Variants in C1orf53 observed in about 807,000 individuals in gnomAD.
C1orf53 encodes the protein uncharacterized protein C1orf53.
Under a neutral mutation model 17.5 loss-of-function variants are expected in C1orf53, and 23 were observed. That is an observed-to-expected ratio of 1.31 (90% CI 0.94 to 1.86). The LOEUF is 1.86. Among genes scored for constraint, C1orf53 ranks in the 40% most tolerant of loss-of-function variants. C1orf53 has a pLI of 0.00. For synonymous variants in C1orf53, 108 were observed against 81.9 expected, an observed-to-expected ratio of 1.32 and a Z score of -1.72; for missense variants, 255 against 193.2, an observed-to-expected ratio of 1.32 and a Z score of -1.89.
intron 2 of C1orf53, among the ~76,000 whole-genome samples, chr1:197,906,874 T>A (rs1301125990): frequency 6.6e-6 from 1 of 152,214 alleles, no homozygotes; most frequent in African/African-American, 2.4e-5. Flanking sequence ...CATAAGAGCT[T>A]TTTGTAAATT....
Position 197,902,898 on chromosome 1 carries a change from C to G in C1orf53, c.249C>G (p.His83Gln), listed in dbSNP as rs745790473. 7 of 1,478,224 alleles carry G rather than the reference C, an allele frequency of 4.7e-6. No individual in the cohort carries two copies. The South Asian group carries it at 8.9e-5, about 19-fold the overall frequency. The allele number at this position is 1,478,224 out of a possible 1,614,324, so 91.6% of individuals were successfully genotyped here. A position where few individuals can be genotyped will look rare whatever the true frequency, so the allele number is the denominator to read the frequency against. The stretch of plus-strand genomic sequence containing the variant: ...CGGAGCGACAGATCGCGGAGCTGCA[C>G]GCTGCCGCCTGCGCGGTGAGACTCC... ...TAAERQIAEL[H>Q]AAACAAGQLN... Residue 83 changes from histidine (H) to glutamine (Q), a missense_variant, in exon 1 of 3, where the codon CAC (histidine) becomes CAG (glutamine). His to Gln is a conservative substitution (Grantham distance 24). Transcript: ENST00000367393.
chr1:197,905,654 A>G, intron 1 of C1orf53, 142 bp from the exon 2 acceptor site: 1 of 614,742 alleles, frequency 1.6e-6, no homozygotes, highest in East Asian at 2.8e-5. Context: ...TTTGGTCTTT[A>G]ATTGCAAGTG....
At position 197,905,799 on chromosome 1, in the gene C1orf53, G is replaced by C; in HGVS notation, c.268G>C (p.Gly90Arg). Residue 90 changes from glycine to arginine, a missense_variant, in exon 2 of 3, where the codon GGC (glycine) becomes CGC (arginine). Transcript: ENST00000367393. Reference protein sequence around the residue: ...AELHAAACAAGQLNYVDPATG... With the variant: ...AELHAAACAARQLNYVDPATG... Reference sequence around the variant, plus strand: ...GTTTCATTTTATTGCACTTCAGGCTGGCCAGCTAAACTATGTGGATCCAGC... The same window carrying C: ...GTTTCATTTTATTGCACTTCAGGCTCGCCAGCTAAACTATGTGGATCCAGC... 1 of 1,608,876 alleles carries C rather than the reference G, an allele frequency of 6.2e-7. No homozygotes were observed. Among genetic ancestry groups the C allele is most frequent in the Non-Finnish European group, 8.5e-7 (1 of 1,175,704 alleles).
Position 197,902,715 on chromosome 1 carries a change from G to C in C1orf53, c.66G>C (p.Pro22=). The change falls in exon 1 of 3, where the codon CCG becomes CCC. Residue 22 remains proline (P), a synonymous_variant. Coordinates refer to ENST00000367393, the MANE Select transcript of C1orf53 (RefSeq NM_001024594.3). Reference sequence around the variant, plus strand: ...TCTGCAGGCAACCTTCCGCCGCCCCGCCGCCAGCACCTCTCTGGGTAAGAG... The same window carrying C: ...TCTGCAGGCAACCTTCCGCCGCCCCCCCGCCAGCACCTCTCTGGGTAAGAG... ...AALCRQPSAA[P]PPAPLWVRAG... 1 of 1,538,104 alleles carries C rather than the reference G, an allele frequency of 6.5e-7. No homozygotes were observed.
Position 197,905,897 on chromosome 1 carries a change from T to A in C1orf53, c.366T>A (p.His122Gln). Residue 122 changes from histidine (H) to glutamine (Q), a missense_variant and splice_region_variant, in exon 2 of 3, where the codon CAT (histidine) becomes CAA (glutamine). By Grantham distance (24) the His-to-Gln change is conservative (BLOSUM62 0). Transcript: ENST00000367393. The part of the protein sequence containing the change: ...RGECCGSACR[H>Q]CPYGQVNVKD... ...AATGTTGTGGCTCTGCGTGCAGACATGTGAGTAGCAATTCTTGCATTACAG... is the reference window on the plus strand; with the variant it reads ...AATGTTGTGGCTCTGCGTGCAGACAAGTGAGTAGCAATTCTTGCATTACAG... 2 of 1,610,186 alleles carry A rather than the reference T, an allele frequency of 1.2e-6. No individual in the cohort carries two copies. The highest frequency in any genetic ancestry group is 1.7e-6 in the Non-Finnish European group (2 of 1,176,576).
intron 1 of C1orf53, 24 bp downstream of exon 1, chr1:197,902,937 C>A (rs891910177): frequency 1.9e-5 from 25 of 1,345,026 alleles, no homozygotes; most frequent in African/African-American, 3.1e-5. Flanking sequence ...CTGCCCGCCC[C>A]GCCCCGCCGC....
At position 197,902,840 on chromosome 1, in the gene C1orf53, C is replaced by T. The variant is rs1269577655; in HGVS notation, c.191C>T (p.Ala64Val). ...ACGCCCGGTAGGCCGGAGAGAGCGG[C>T]GAGGCCTTCGGTGAGCGAAGAGTTA... is the stretch of plus-strand genomic sequence containing the variant. ...PSTPGRPERAARPSVSEELTA... is the reference protein window; with the variant it reads ...PSTPGRPERAVRPSVSEELTA... Residue 64 changes from alanine to valine, a missense_variant, in exon 1 of 3, where the codon GCG (alanine) becomes GTG (valine). Coordinates refer to ENST00000367393, the MANE Select transcript of C1orf53 (RefSeq NM_001024594.3). 1 of 1,557,322 alleles carries T rather than the reference C, an allele frequency of 6.4e-7. No homozygotes were observed. The highest frequency in any genetic ancestry group is 1.8e-5 in the Admixed American group (1 of 54,476).
intron 2 of C1orf53, 110 bp downstream of exon 2, chr1:197,906,007 G>T: frequency 1.2e-6 from 1 of 820,454 alleles, no homozygotes; most frequent in Admixed American, 2.0e-5. Flanking sequence ...GACCTGGAGT[G>T]AACTTTTCAC....
Position 197,902,739 on chromosome 1 carries a change from A to G in C1orf53, c.90A>G (p.Arg30=), listed in dbSNP as rs1352579362. Residue 30 remains arginine (R), a synonymous_variant, in exon 1 of 3, where the codon AGA becomes AGG. Coordinates refer to ENST00000367393, the MANE Select transcript of C1orf53 (RefSeq NM_001024594.3). The part of the protein sequence containing the change: ...AAPPPAPLWV[R]AGFRQQLSLT... ...CGCCGCCAGCACCTCTCTGGGTAAG[A>G]GCTGGGTTCCGACAGCAGCTCAGCT... 16 of 1,564,864 alleles carry G rather than the reference A, an allele frequency of 1.0e-5. No individual in the cohort carries two copies. Among genetic ancestry groups the G allele is most frequent in the Non-Finnish European group, 1.4e-5 (16 of 1,163,658 alleles).
Position 197,905,752 on chromosome 1 carries a change from T to C in C1orf53, c.265-44T>C, listed in dbSNP as rs2270762. On this transcript the variant is annotated intron_variant, in intron 1 of 2. Coordinates refer to ENST00000367393, the MANE Select transcript of C1orf53 (RefSeq NM_001024594.3). ...TAGACATTATGGTGAAGAGATATGA[T>C]GAATATTGAGATTAATGAATTGTTT... is the stretch of plus-strand genomic sequence containing the variant. 6.8e-4 allele frequency: 862 copies of C among 1,262,892 alleles called. 6 individuals carry two copies. In the East Asian group the frequency reaches 0.019, roughly 27 times the overall value. 78.2% of individuals were successfully genotyped at this position (1,262,892 alleles called of 1,614,324 possible).
rs533764349 is a variant in C1orf53 at position 197,902,918 on chromosome 1, G to A, written c.264+5G>A. 13 of 1,442,154 alleles carry A rather than the reference G, an allele frequency of 9.0e-6. No homozygotes were observed. In the Admixed American group the frequency reaches 1.6e-4, roughly 17 times the overall value. The allele number at this position is 1,442,154 out of a possible 1,614,324, so 89.3% of individuals were successfully genotyped here. ...CTGCACGCTGCCGCCTGCGCGGTGA[G>A]ACTCCCTCCTGCCCGCCCCGCCCCG... On this transcript the variant is annotated splice_donor_5th_base_variant and intron_variant, in intron 1 of 2. Coordinates refer to ENST00000367393, the MANE Select transcript of C1orf53 (RefSeq NM_001024594.3).
chr1:197,902,942 C>T (rs1377877798), intron 1 of C1orf53, 29 bp downstream of exon 1: 1 of 1,340,816 alleles, frequency 7.5e-7, no homozygotes, highest in East Asian at 3.1e-5. Context: ...CGCCCCGCCC[C>T]GCCGCGGCCG....
chr1:197,904,917 T>A (rs1029861370), intron 1 of C1orf53, among the ~76,000 whole-genome samples: 11 of 147,562 alleles, frequency 7.5e-5, no homozygotes, highest in African/African-American at 2.0e-4. Context: ...TGAAAAAAAC[T>A]CTGTACAAGA....
intron 2 of C1orf53, 36 bp downstream of exon 2, chr1:197,905,933 C>T (rs369143435): frequency 8.3e-6 from 12 of 1,445,618 alleles, no homozygotes; most frequent in African/African-American, 5.6e-5. Flanking sequence ...CAGCAGTTTG[C>T]GGTGCTTCTG....
At chr1:197,905,472 C>G (rs549363451) in intron 1 of C1orf53, 9 of 173,342 alleles carry the variant, frequency 5.2e-5, no homozygotes, top group Non-Finnish European at 1.1e-4. Context: ...ATTTAAATCA[C>G]CTGTTATTAA....
chr1:197,902,846 C>G lies in C1orf53; in HGVS notation c.197C>G (p.Pro66Arg). The G allele has an allele frequency of 6.5e-7, 1 of 1,550,326 alleles. No individual in the cohort carries two copies. Among genetic ancestry groups the G allele is most frequent in the Non-Finnish European group, 8.7e-7 (1 of 1,155,330 alleles). Reference sequence around the variant, plus strand: ...GGTAGGCCGGAGAGAGCGGCGAGGCCTTCGGTGAGCGAAGAGTTAACCGCG... The same window carrying G: ...GGTAGGCCGGAGAGAGCGGCGAGGCGTTCGGTGAGCGAAGAGTTAACCGCG... Reference protein sequence around the residue: ...TPGRPERAARPSVSEELTAAE... With the variant: ...TPGRPERAARRSVSEELTAAE... The change falls in exon 1 of 3, where the codon CCT (proline) becomes CGT (arginine). Residue 66 changes from proline to arginine, a missense_variant. Coordinates refer to ENST00000367393, the MANE Select transcript of C1orf53 (RefSeq NM_001024594.3).
At chr1:197,903,455 C>G (rs889906852) in intron 1 of C1orf53, among the ~76,000 whole-genome samples, 1 of 152,218 alleles carries the variant, frequency 6.6e-6, no homozygotes, top group African/African-American at 2.4e-5. Flanking sequence ...AGACACTCAG[C>G]TGTTTTCTCC....
chr1:197,906,840 C>G (rs754499440), intron 2 of C1orf53, among the ~76,000 whole-genome samples: 3 of 152,162 alleles, frequency 2.0e-5, no homozygotes, highest in Non-Finnish European at 2.9e-5. Context: ...TGTTCCTGTG[C>G]CCTTAGCTGT....
chr1:197,905,550 G>T, intron 1 of C1orf53: 1 of 415,884 alleles, frequency 2.4e-6, no homozygotes, highest in Non-Finnish European at 4.3e-6. Context: ...GTACAGAGGA[G>T]TTCTTGTTTT....
Sources: allele counts gnomAD v4.1 joint callset (sites outside exome capture counted in the v4.1 genomes callset), GRCh38; gene constraint gnomAD v4.1.1; transcripts MANE v1.5; gene names NCBI Gene and HGNC (gene_info 2026-07-23, HGNC 2026-07-21).